TSHZ2: variants seen among roughly 807,000 people sequenced by gnomAD.
The protein encoded by TSHZ2 is teashirt homolog 2.
Under a neutral mutation model 74.4 loss-of-function variants are expected in TSHZ2, and 21 were observed. The observed-to-expected ratio is 0.28, with a 90% confidence interval of 0.20 to 0.41. TSHZ2 has a LOEUF of 0.41. Among genes scored for constraint, TSHZ2 ranks in the 10% least tolerant of loss-of-function variants. The pLI is 1.00. For synonymous variants in TSHZ2, 540 were observed against 515.3 expected, an observed-to-expected ratio of 1.05 and a Z score of -0.65; for missense variants, 1,244 against 1,293.5, an observed-to-expected ratio of 0.96 and a Z score of 0.59.
At chr20:53,281,951 G>T (rs1447507313) in intron 2 of TSHZ2, among the ~76,000 whole-genome samples, 1 of 152,194 alleles carries the variant, frequency 6.6e-6, no homozygotes, top group Non-Finnish European at 1.5e-5. Context: ...AGCAGCTTCA[G>T]CGACCAGGGG....
At chr20:53,388,483 G>A (rs1982129826) in intron 2 of TSHZ2, among the ~76,000 whole-genome samples, 1 of 152,208 alleles carries the variant, frequency 6.6e-6, no homozygotes, top group Non-Finnish European at 1.5e-5. Flanking sequence ...AACACTGAAG[G>A]TGGGTGAAAC....
chr20:53,453,954 T>C (rs1984933788), intron 2 of TSHZ2, among the ~76,000 whole-genome samples: 1 of 152,198 alleles, frequency 6.6e-6, no homozygotes, highest in Non-Finnish European at 1.5e-5. Context: ...TCAAGAGCCT[T>C]TTTGAAAATA....
chr20:53,254,300 G>A lies in TSHZ2; in HGVS notation c.842G>A (p.Gly281Asp). 6.2e-7 allele frequency: 1 copy of A among 1,614,118 alleles called. No homozygotes were observed. Among genetic ancestry groups the A allele is most frequent in the Non-Finnish European group, 8.5e-7 (1 of 1,180,022 alleles). Residue 281 changes from glycine to aspartate, a missense_variant, in exon 2 of 3, where the codon GGC becomes GAC. Around this residue, in one of 6 missense-constraint regions of TSHZ2, gnomAD observed 470 missense variants for 456.5 expected, o/e 1.03. Transcript: ENST00000371497. ...AAGGTTCTGAAATGTATGTTTTGTG[G>A]CGACTCCTTTGATTCCCTCCAAGAT... ...AQKVLKCMFC[G>D]DSFDSLQDLS...
At chr20:53,275,917 A>C (rs1437648670) in intron 2 of TSHZ2, among the ~76,000 whole-genome samples, 1 of 152,218 alleles carries the variant, frequency 6.6e-6, no homozygotes, top group Non-Finnish European at 1.5e-5. Context: ...ACAAGAGCGA[A>C]ACTCCGTCTC....
chr20:53,382,149 G>A (rs1174699931), intron 2 of TSHZ2, among the ~76,000 whole-genome samples: 2 of 152,098 alleles, frequency 1.3e-5, no homozygotes, highest in Non-Finnish European at 2.9e-5. Context: ...CCCCACCTAG[G>A]GGTAGGAGGT....
At chr20:53,177,590 T>G (rs772848845) in intron 1 of TSHZ2, among the ~76,000 whole-genome samples, 7 of 152,336 alleles carry the variant, frequency 4.6e-5, no homozygotes, top group Non-Finnish European at 8.8e-5. Context: ...CCTTGGCACC[T>G]TTACCTTCGG....
intron 1 of TSHZ2, among the ~76,000 whole-genome samples, chr20:53,162,653 C>T (rs1325646298): frequency 6.6e-6 from 1 of 152,158 alleles, no homozygotes; most frequent in Non-Finnish European, 1.5e-5. Context: ...TGTTAAAATA[C>T]AGGGTACTCT....
chr20:53,001,240 G>GTGTGTA (rs1982427164), intron 1 of TSHZ2, among the ~76,000 whole-genome samples: 4 of 149,886 alleles, frequency 2.7e-5, no homozygotes, highest in African/African-American at 7.5e-5. Context: ...GTGTGTGTGT[G>GTGTGTA]TGTGTGTGTG....
intron 2 of TSHZ2, among the ~76,000 whole-genome samples, chr20:53,262,919 C>T: frequency 6.6e-6 from 1 of 152,152 alleles, no homozygotes; most frequent in East Asian, 1.9e-4. Context: ...GGGGGTTTTA[C>T]AGAACTCTGT....
At chr20:53,455,853 T>C (rs556676372) in intron 2 of TSHZ2, among the ~76,000 whole-genome samples, 99 of 151,958 alleles carry the variant, frequency 6.5e-4, no homozygotes, top group African/African-American at 2.2e-3. Flanking sequence ...GAATGATGGT[T>C]TCCAATTTCA....
chr20:53,243,832 TTTTC>T (rs1555840077), intron 1 of TSHZ2, among the ~76,000 whole-genome samples: 4 of 151,726 alleles, frequency 2.6e-5, no homozygotes, highest in Non-Finnish European at 4.4e-5. Flanking sequence ...CTTTTTTTTT[TTTTC>T]TTTCTTTCTT....
At chr20:53,221,201 C>G (rs1989547101) in intron 1 of TSHZ2, among the ~76,000 whole-genome samples, 1 of 144,608 alleles carries the variant, frequency 6.9e-6, no homozygotes, top group African/African-American at 2.5e-5. Flanking sequence ...CTTCCTTTGT[C>G]TTCTGCCATG....
At chr20:53,164,728 A>G (rs918009914) in intron 1 of TSHZ2, among the ~76,000 whole-genome samples, 1 of 152,240 alleles carries the variant, frequency 6.6e-6, no homozygotes, top group Non-Finnish European at 1.5e-5. Flanking sequence ...CTATAGAAGA[A>G]AGCAGTTGAA....
intron 2 of TSHZ2, among the ~76,000 whole-genome samples, chr20:53,294,860 A>G (rs1026429112): frequency 1.3e-5 from 2 of 152,160 alleles, no homozygotes; most frequent in Non-Finnish European, 2.9e-5. Context: ...GATTCCCATC[A>G]CATCTCAAAG....
intron 1 of TSHZ2, among the ~76,000 whole-genome samples, chr20:53,182,407 C>T (rs1467600986): frequency 6.6e-6 from 1 of 152,184 alleles, no homozygotes; most frequent in African/African-American, 2.4e-5. Context: ...GGGCAAAGTA[C>T]TCTGATCCAT....
At chr20:53,114,367 A>G (rs1237093006) in intron 1 of TSHZ2, among the ~76,000 whole-genome samples, 1 of 152,160 alleles carries the variant, frequency 6.6e-6, no homozygotes, top group African/African-American at 2.4e-5. Flanking sequence ...TGAATCTTGG[A>G]CACATCACAA....
chr20:53,009,597 C>T (rs1176361107), intron 1 of TSHZ2, among the ~76,000 whole-genome samples: 1 of 152,058 alleles, frequency 6.6e-6, no homozygotes, highest in East Asian at 1.9e-4. Context: ...GAAAGCAAAA[C>T]CACAGATAAG....
intron 1 of TSHZ2, among the ~76,000 whole-genome samples, chr20:53,073,434 C>CTCCA (rs781310046): frequency 4.6e-5 from 7 of 151,194 alleles, no homozygotes; most frequent in African/African-American, 1.7e-4. Flanking sequence ...TCATCTATCC[C>CTCCA]TCCATCCATC....
intron 1 of TSHZ2, among the ~76,000 whole-genome samples, chr20:53,024,233 A>G (rs1223178310): frequency 6.6e-6 from 1 of 151,958 alleles, no homozygotes; most frequent in Non-Finnish European, 1.5e-5. Flanking sequence ...TTGAGAGATT[A>G]TTGTTAGTAG....
Sources: allele counts gnomAD v4.1 joint callset (sites outside exome capture counted in the v4.1 genomes callset), GRCh38; gene constraint gnomAD v4.1.1; regional missense constraint gnomAD v4.1.1; transcripts MANE v1.5; gene names NCBI Gene and HGNC (gene_info 2026-07-23, HGNC 2026-07-21).